The following IFT172 variants were observed in gnomAD, a reference collection of about 807,000 sequenced individuals.
IFT172 encodes the protein intraflagellar transport 172, also known as intraflagellar transport protein 172 homolog.
Under a neutral mutation model 248.9 loss-of-function variants are expected in IFT172, and 164 were observed. The ratio of observed to expected loss-of-function variants is 0.66; its 90% CI spans 0.58 to 0.75. IFT172 has a LOEUF of 0.75. Ranked by LOEUF, IFT172 falls within the 30% of genes least tolerant of loss-of-function variation. IFT172 has a pLI of 0.00. For synonymous variants in IFT172, 729 were observed against 791.6 expected, an observed-to-expected ratio of 0.92 and a Z score of 1.33; for missense variants, 1,950 against 2,192.4, an observed-to-expected ratio of 0.89 and a Z score of 2.21.
At chr2:27,455,916 A>G (rs766671711) in intron 30 of IFT172, 18 of 306,732 alleles carry the variant, frequency 5.9e-5, no homozygotes, top group African/African-American at 1.1e-4. Context: ...GTGCTTCCAA[A>G]AAAAAAGAAA....
intron 30 of IFT172, chr2:27,455,794 G>A: frequency 2.1e-6 from 1 of 480,940 alleles, no homozygotes; most frequent in South Asian, 1.6e-5. Context: ...AACCTCAGTT[G>A]GCATCATGGA....
chr2:27,485,396 C>T lies in IFT172; in HGVS notation c.147G>A (p.Arg49=). Residue 49 remains arginine (R), a synonymous_variant, in exon 2 of 48, where the codon CGG becomes CGA. Transcript: ENST00000260570. ...VVLLYDEHGE[R]RDKFSTKPAD... ...CTGGTTTGGTGGAGAATTTATCTCTCCGTTCTCCATGTTCATCATACAGCA... is the reference window on the plus strand; with the variant it reads ...CTGGTTTGGTGGAGAATTTATCTCTTCGTTCTCCATGTTCATCATACAGCA... 1 of 1,614,154 alleles carries T rather than the reference C, an allele frequency of 6.2e-7. No individual in the cohort carries two copies. The highest frequency in any genetic ancestry group is 2.2e-5 in the East Asian group (1 of 44,884).
intron 42 of IFT172, 114 bp from the exon 43 acceptor site, chr2:27,446,469 T>A: frequency 1.1e-6 from 1 of 872,612 alleles, no homozygotes; most frequent in Non-Finnish European, 1.8e-6. Context: ...ATTAAACTGC[T>A]CTGGATTCTC....
In IFT172 at chr2:27,454,717, AACAAG is replaced by A. The variant is rs1305156114; in HGVS notation, c.3372-62_3372-58del. ...GCTTCATGCTTCCCTTCATAAAAGG[AACAAG>A]ACAAAACAGAGAAAGGACAGAGTTG... On this transcript the variant is annotated intron_variant, in intron 30 of 47. Coordinates refer to ENST00000260570, the MANE Select transcript of IFT172 (RefSeq NM_015662.3). This position sits in a 1 kb window ranked among gnomAD's most constrained non-coding sequence, Gnocchi z 4.2. 1.4e-6 allele frequency: 2 copies of A among 1,409,552 alleles called. No individual in the cohort carries two copies. Among genetic ancestry groups the A allele is most frequent in the East Asian group, 2.3e-5 (1 of 43,434 alleles). The allele number at this position is 1,409,552 out of a possible 1,614,324, so 87.3% of individuals were successfully genotyped here. A position where few individuals can be genotyped will look rare whatever the true frequency, so the allele number is the denominator to read the frequency against.
chr2:27,488,232 C>A, intron 1 of IFT172, among the ~76,000 whole-genome samples: 1 of 152,086 alleles, frequency 6.6e-6, no homozygotes, highest in South Asian at 2.1e-4. Context: ...CGGCTCACTG[C>A]AACCTCCACC....
chr2:27,448,562 G>A (rs539717704), intron 40 of IFT172, among the ~76,000 whole-genome samples: 1 of 152,340 alleles, frequency 6.6e-6, no homozygotes, highest in East Asian at 1.9e-4. Flanking sequence ...ACAACATTGT[G>A]ACTCAGATCA....
At chr2:27,449,126 A>C (rs1665427958) in intron 39 of IFT172, 95 bp from the exon 40 acceptor site, 2 of 1,069,052 alleles carry the variant, frequency 1.9e-6, no homozygotes, top group Non-Finnish European at 2.9e-6. Context: ...GAGGGGAAAA[A>C]GGGTGTACGC....
Position 27,446,324 on chromosome 2 carries a change from A to G in IFT172, c.4691T>C (p.Leu1564Pro), listed in dbSNP as rs1665094407. The G allele has an allele frequency of 6.2e-7, 1 of 1,614,248 alleles. No individual in the cohort carries two copies. Among genetic ancestry groups the G allele is most frequent in the Non-Finnish European group, 8.5e-7 (1 of 1,180,044 alleles). ...ETVAARLSVS[L>P]LRHTQLLPVD... is the part of the protein sequence containing the mutation. ...AGGTAGTAGCTGGGTGTGACGCAAG[A>G]GTGAAACAGAAAGCCTGGCAGCCAC... Residue 1564 changes from leucine (L) to proline (P), a missense_variant, in exon 43 of 48, where the codon CTC becomes CCC. Coordinates refer to ENST00000260570, the MANE Select transcript of IFT172 (RefSeq NM_015662.3).
intron 15 of IFT172, 83 bp from the exon 16 acceptor site, chr2:27,471,178 A>T: frequency 7.2e-7 from 1 of 1,391,310 alleles, no homozygotes; most frequent in South Asian, 1.2e-5. Context: ...TAATGGTGAG[A>T]TGTGGTGAGC....
intron 16 of IFT172, among the ~76,000 whole-genome samples, chr2:27,469,764 A>G (rs7562296): frequency 0.94 from 143,432 of 152,274 alleles, 67,622 homozygotes; most frequent in East Asian, 1. Context: ...TCCAGGAGAC[A>G]GAGGTTGCAG....
chr2:27,484,015 C>G, intron 4 of IFT172, 78 bp from the exon 5 acceptor site: 1 of 1,326,040 alleles, frequency 7.5e-7, no homozygotes, highest in Non-Finnish European at 1.1e-6. Flanking sequence ...AACACCCCAC[C>G]ACACACCACC....
In IFT172 at chr2:27,449,741, C is replaced by T; in HGVS notation, c.4110G>A (p.Glu1370=). The stretch of plus-strand genomic sequence containing the variant: ...GCTTCGCCTTGTTCCACTCCTCACC[C>T]TCGATGAAAGCATCGATTGCTTCCT... ...LVKEAIDAFI[E]GEEWNKAKRV... The change falls in exon 37 of 48, where the codon GAG becomes GAA. Residue 1370 remains glutamate (E), a synonymous_variant. Transcript: ENST00000260570. 1 of 1,614,128 alleles carries T rather than the reference C, an allele frequency of 6.2e-7. No individual in the cohort carries two copies. Among genetic ancestry groups the T allele is most frequent in the Non-Finnish European group, 8.5e-7 (1 of 1,179,992 alleles).
At chr2:27,449,064 G>A in intron 39 of IFT172, 33 bp from the exon 40 acceptor site, 1 of 1,294,126 alleles carries the variant, frequency 7.7e-7, no homozygotes, top group Non-Finnish European at 1.1e-6. Flanking sequence ...CATGAGTGAG[G>A]CTGGGATCGG....
At chr2:27,481,326 A>C in intron 7 of IFT172, 66 bp from the exon 8 acceptor site, 32 of 1,182,454 alleles carry the variant, frequency 2.7e-5, no homozygotes, top group Middle Eastern at 2.7e-4. Flanking sequence ...CCTCACTCTC[A>C]ACACCTGGTA....
At chr2:27,478,531 A>G (rs1257624968) in intron 10 of IFT172, among the ~76,000 whole-genome samples, 1 of 151,186 alleles carries the variant, frequency 6.6e-6, no homozygotes, top group Non-Finnish European at 1.5e-5. Context: ...CTGGCCTTGA[A>G]CTCCTGGGTT....
chr2:27,470,957 G>T lies in IFT172; in HGVS notation c.1663C>A (p.Pro555Thr). The change falls in exon 16 of 48, where the codon CCT (proline) becomes ACT (threonine). Residue 555 changes from proline (P) to threonine (T), a missense_variant. Physicochemically the swap from Pro to Thr is conservative, Grantham distance 38 (BLOSUM62 -1). Transcript: ENST00000260570. ...SLCVWYNIEA[P>T]ERVTMFTIRG... ...ATAGTGAACATGGTGACTCTCTCAG[G>T]TGCCTCAATGTTGTACCATACACAC... is the stretch of plus-strand genomic sequence containing the variant. The T allele has an allele frequency of 6.2e-7, 1 of 1,608,834 alleles. No homozygotes were observed. The highest frequency in any genetic ancestry group is 8.5e-7 in the Non-Finnish European group (1 of 1,178,610).
chr2:27,481,124 C>T lies in IFT172; in HGVS notation c.707G>A (p.Arg236His), dbSNP rs768290728. 6.4e-5 allele frequency: 104 copies of T among 1,613,880 alleles called. No individual in the cohort carries two copies. The highest frequency in any genetic ancestry group is 8.6e-5 in the Non-Finnish European group (101 of 1,180,014). ...GGTGAACTCCCGCTCCTGAGGGTCACGGCTATAATCAAAAGTTTGTAGCAT... is the reference window on the plus strand; with the variant it reads ...GGTGAACTCCCGCTCCTGAGGGTCATGGCTATAATCAAAAGTTTGTAGCAT... ...GHMLQTFDYSRDPQEREFTTA... is the reference protein window; with the variant it reads ...GHMLQTFDYSHDPQEREFTTA... The change falls in exon 8 of 48, where the codon CGT becomes CAT. Residue 236 changes from arginine to histidine, a missense_variant. Arg to His is a conservative substitution (Grantham distance 29). Coordinates refer to ENST00000260570, the MANE Select transcript of IFT172 (RefSeq NM_015662.3).
At chr2:27,470,549 G>T (rs1667484261) in intron 16 of IFT172, among the ~76,000 whole-genome samples, 1 of 152,142 alleles carries the variant, frequency 6.6e-6, no homozygotes, top group African/African-American at 2.4e-5. Context: ...TGGTAGGACA[G>T]GAGAGAAGAG....
chr2:27,482,075 C>T (rs990826389), intron 7 of IFT172, among the ~76,000 whole-genome samples: 2 of 151,868 alleles, frequency 1.3e-5, no homozygotes, highest in South Asian at 2.1e-4. Flanking sequence ...CCTCCCCTCC[C>T]GGGTTCAAGC....
Sources: gnomAD v4.1 joint callset for allele counts (sites outside exome capture counted in the v4.1 genomes callset) on GRCh38, gnomAD v4.1.1 for gene constraint, Gnocchi (gnomAD v3.1) non-coding constraint, MANE v1.5 for transcripts, NCBI Gene and HGNC (gene_info 2026-07-23, HGNC 2026-07-21) for gene names.